ZSWIM7: variants seen among roughly 807,000 people sequenced by gnomAD.
The protein encoded by ZSWIM7 is zinc finger SWIM-type containing 7, also known as zinc finger SWIM domain-containing protein 7.
ZSWIM7 carries 22 observed loss-of-function variants against 21.1 expected under a neutral mutation model. The ratio of observed to expected loss-of-function variants is 1.04; its 90% CI spans 0.74 to 1.49. The LOEUF is 1.49. Among genes scored for constraint, ZSWIM7 ranks in the 40% most tolerant of loss-of-function variants. ZSWIM7 has a pLI of 0.00. For synonymous variants in ZSWIM7, 67 were observed against 66.5 expected (o/e 1.01, Z -0.04); for missense variants, 193 against 168.0 (o/e 1.15, Z -0.82).
intron 2 of ZSWIM7, chr17:15,990,936 A>C (rs1970474252): frequency 6.6e-6 from 1 of 152,030 alleles, no homozygotes; most frequent in Non-Finnish European, 1.5e-5. Flanking sequence ...AGGCCAAGGC[A>C]GGCGGAACTC....
At chr17:15,982,553 T>C (rs560459394) in intron 3 of ZSWIM7, among the ~76,000 whole-genome samples, 26 of 152,332 alleles carry the variant, frequency 1.7e-4, no homozygotes, top group Non-Finnish European at 3.2e-4. Context: ...ATGGTTTGAC[T>C]GCAAGAACAA....
chr17:15,983,392 G>C (rs1970378230), intron 3 of ZSWIM7, among the ~76,000 whole-genome samples: 1 of 142,540 alleles, frequency 7.0e-6, no homozygotes. Flanking sequence ...TTACAAATTA[G>C]GTGTTGAAAA....
At chr17:15,982,935 G>A (rs555009854) in intron 3 of ZSWIM7, among the ~76,000 whole-genome samples, 1 of 152,296 alleles carries the variant, frequency 6.6e-6, no homozygotes, top group South Asian at 2.1e-4. Flanking sequence ...TTACAGGCAT[G>A]AGCTACCACA....
intron 2 of ZSWIM7, among the ~76,000 whole-genome samples, chr17:15,989,378 C>T (rs889797822): frequency 6.6e-6 from 1 of 151,256 alleles, no homozygotes; most frequent in Non-Finnish European, 1.5e-5. Context: ...AGAGCAGTGG[C>T]ACAATCTCGG....
At chr17:15,995,416 C>T (rs925104303) in intron 1 of ZSWIM7, among the ~76,000 whole-genome samples, 1 of 151,298 alleles carries the variant, frequency 6.6e-6, no homozygotes, top group South Asian at 2.1e-4. Flanking sequence ...TACAGGCATG[C>T]ACCACCACGC....
At chr17:15,981,174 C>A (rs753569435) in intron 3 of ZSWIM7, 30 bp from the exon 4 acceptor site, 1 of 1,553,408 alleles carries the variant, frequency 6.4e-7, no homozygotes, top group East Asian at 2.3e-5. Flanking sequence ...GGGATCAGAC[C>A]TCAGATGTGC....
At chr17:15,992,707 G>T (rs145353469) in intron 2 of ZSWIM7, among the ~76,000 whole-genome samples, 105 of 152,130 alleles carry the variant, frequency 6.9e-4, no homozygotes, top group African/African-American at 2.5e-3. Flanking sequence ...CCAAAATGCT[G>T]CGATTACAGG....
At chr17:15,990,562 T>C (rs1970469784) in intron 2 of ZSWIM7, among the ~76,000 whole-genome samples, 2 of 151,892 alleles carry the variant, frequency 1.3e-5, no homozygotes, top group Admixed American at 1.3e-4. Context: ...GGGTTATTTT[T>C]ATAAACTAGA....
In ZSWIM7 at chr17:15,993,882, G is replaced by T. The variant is rs146664275; in HGVS notation, c.77-104C>A. On this transcript the variant is annotated intron_variant, in intron 1 of 4. Coordinates refer to ENST00000399277, the MANE Select transcript of ZSWIM7 (RefSeq NM_001042697.2). The stretch of plus-strand genomic sequence containing the variant: ...AACTAAAAACACTTCCGTGTGTGAT[G>T]GTCAACTGAACCTATGCATCTGGTT... The T allele has an allele frequency of 8.7e-3, 6,976 of 800,472 alleles. 71 individuals carry two copies. The highest frequency in any genetic ancestry group is 8.4e-3 in the Non-Finnish European group (4,085 of 484,106). The allele number at this position is 800,472 out of a possible 1,614,324, so 49.6% of individuals were successfully genotyped here. A position where few individuals can be genotyped will look rare whatever the true frequency, so the allele number is the denominator to read the frequency against.
At chr17:15,999,432 C>A (rs1390257602) in intron 1 of ZSWIM7, 87 bp downstream of exon 1, 12 of 1,507,606 alleles carry the variant, frequency 8.0e-6, no homozygotes, top group Non-Finnish European at 1.1e-5. Context: ...CAGGCCCGGA[C>A]ACCCCGCCTC....
intron 2 of ZSWIM7, among the ~76,000 whole-genome samples, chr17:15,993,374 T>G (rs994642898): frequency 9.3e-5 from 14 of 151,082 alleles, no homozygotes; most frequent in African/African-American, 3.2e-4. Flanking sequence ...ATTTATTTAT[T>G]TATTTATTTT....
At chr17:15,991,923 GT>G (rs1567571402) in intron 2 of ZSWIM7, among the ~76,000 whole-genome samples, 1 of 128,414 alleles carries the variant, frequency 7.8e-6, no homozygotes, top group African/African-American at 3.0e-5. Flanking sequence ...TGTTTGTTTT[GT>G]TTTGTTTTGT....
rs771857833 is a variant in ZSWIM7, at chr17:15,999,627, G to C, written c.-33C>G. On this transcript the variant is annotated 5_prime_UTR_variant, in exon 1 of 5. Transcript: ENST00000399277. ...CAGGACACGCCCTCCACGACCGGCGGACCGCCGCGACGCTCCAGCTGACTG... is the reference window on the plus strand; with the variant it reads ...CAGGACACGCCCTCCACGACCGGCGCACCGCCGCGACGCTCCAGCTGACTG... 1.9e-6 allele frequency: 3 copies of C among 1,564,976 alleles called. No individual in the cohort carries two copies. Among genetic ancestry groups the C allele is most frequent in the Non-Finnish European group, 2.6e-6 (3 of 1,156,418 alleles).
In ZSWIM7 at chr17:15,976,839, CCTT is replaced by C. The variant is rs1424375071; in HGVS notation, c.*1205_*1207del. 6.6e-6 allele frequency: 1 copy of C among 152,074 alleles called. No individual in the cohort carries two copies. The highest frequency in any genetic ancestry group is 2.4e-5 in the African/African-American group (1 of 41,414). The allele number at this position is 152,074 out of a possible 1,614,324, so 9.4% of individuals were successfully genotyped here. ...AATGCTGCAGACAGGGAATTCCTGTCCTTCTAGGATCCTCTTCTGGCTGTGGGC... is the reference window on the plus strand; with the variant it reads ...AATGCTGCAGACAGGGAATTCCTGTCCTAGGATCCTCTTCTGGCTGTGGGC... On this transcript the variant is annotated 3_prime_UTR_variant, in exon 5 of 5. Coordinates refer to ENST00000399277, the MANE Select transcript of ZSWIM7 (RefSeq NM_001042697.2).
At chr17:15,994,525 C>T (rs560583698) in intron 1 of ZSWIM7, among the ~76,000 whole-genome samples, 2 of 152,242 alleles carry the variant, frequency 1.3e-5, no homozygotes, top group South Asian at 4.1e-4. Flanking sequence ...TTTTCGAGTA[C>T]GTTTGAGAAG....
At chr17:15,982,177 G>C (rs1367057736) in intron 3 of ZSWIM7, among the ~76,000 whole-genome samples, 2 of 151,956 alleles carry the variant, frequency 1.3e-5, no homozygotes, top group African/African-American at 2.4e-5. Flanking sequence ...AAAAAGGAGA[G>C]GTACAGGAGA....
At chr17:15,999,349 T>C in intron 1 of ZSWIM7, 170 bp downstream of exon 1, 1 of 930,654 alleles carries the variant, frequency 1.1e-6, no homozygotes, top group Non-Finnish European at 1.6e-6. Context: ...CCAATTTCGC[T>C]TTTTTGTTGT....
intron 1 of ZSWIM7, among the ~76,000 whole-genome samples, chr17:15,997,945 A>G (rs1170658894): frequency 2.0e-5 from 3 of 152,186 alleles, no homozygotes; most frequent in African/African-American, 4.8e-5. Context: ...TTCTAAAAAT[A>G]CACAAATTAG....
chr17:15,982,270 A>C (rs1970364662), intron 3 of ZSWIM7, among the ~76,000 whole-genome samples: 1 of 152,120 alleles, frequency 6.6e-6, no homozygotes, highest in Admixed American at 6.6e-5. Flanking sequence ...AGCAGCCAAA[A>C]ACTTTTTGTT....
Sources: gnomAD v4.1 joint callset for allele counts (sites outside exome capture counted in the v4.1 genomes callset) on GRCh38, gnomAD v4.1.1 for gene constraint, MANE v1.5 for transcripts, NCBI Gene and HGNC (gene_info 2026-07-23, HGNC 2026-07-21) for gene names.